ATG14: variants seen among roughly 807,000 people sequenced by gnomAD.
ATG14 encodes autophagy related 14, also known as beclin 1-associated autophagy-related key regulator.
ATG14 carries 35 observed loss-of-function variants against 60.4 expected under a neutral mutation model. The observed-to-expected ratio is 0.58, with a 90% CI of 0.44 to 0.77. The LOEUF (loss-of-function observed/expected upper bound fraction) is 0.77. ATG14 is among the 30% of genes least tolerant of loss of function. ATG14 has a pLI of 0.00. For missense variants in ATG14, 647 were observed against 626.3 expected (o/e 1.03, Z -0.35); for synonymous variants, 234 against 228.8 (o/e 1.02, Z -0.21).
intron 2 of ATG14, among the ~76,000 whole-genome samples, chr14:55,397,012 T>G (rs963871880): frequency 6.6e-6 from 1 of 152,194 alleles, no homozygotes; most frequent in South Asian, 2.1e-4. Flanking sequence ...AATACTGATA[T>G]GGACAAAAGA....
chr14:55,405,949 G>A (rs1294277666), intron 1 of ATG14, among the ~76,000 whole-genome samples: 1 of 152,100 alleles, frequency 6.6e-6, no homozygotes, highest in Non-Finnish European at 1.5e-5. Context: ...TTCAGGACTG[G>A]GGGCAAGGTG....
At chr14:55,406,391 A>C (rs73280331) in intron 1 of ATG14, among the ~76,000 whole-genome samples, 4 of 152,348 alleles carry the variant, frequency 2.6e-5, no homozygotes, top group African/African-American at 9.6e-5. Flanking sequence ...GTGGTTTTCT[A>C]CAGTTAGTGA....
intron 2 of ATG14, 99 bp downstream of exon 2, chr14:55,397,273 T>G (rs938620599): frequency 3.1e-5 from 32 of 1,030,588 alleles, no homozygotes; most frequent in Non-Finnish European, 4.7e-5. Context: ...CTAAATTCAG[T>G]AAGTTAGCAA....
intron 9 of ATG14, among the ~76,000 whole-genome samples, chr14:55,373,717 C>A (rs1166126177): frequency 1.3e-5 from 2 of 152,044 alleles, no homozygotes; most frequent in Non-Finnish European, 2.9e-5. Flanking sequence ...CCTCAGCCTC[C>A]CAAAGTGCTG....
At chr14:55,385,481 C>T (rs1388918004) in intron 5 of ATG14, among the ~76,000 whole-genome samples, 1 of 152,188 alleles carries the variant, frequency 6.6e-6, no homozygotes, top group Non-Finnish European at 1.5e-5. Flanking sequence ...TTAGTAGAGA[C>T]AGGGTTTTGC....
In ATG14 at chr14:55,369,455, G is replaced by T; in HGVS notation, c.*164C>A. 2 of 635,250 alleles carry T rather than the reference G, an allele frequency of 3.1e-6. No homozygotes were observed. Among genetic ancestry groups the T allele is most frequent in the Non-Finnish European group, 2.4e-6 (1 of 410,916 alleles). The allele number at this position is 635,250 out of a possible 1,614,324, so 39.4% of individuals were successfully genotyped here. ...TGTTGGTCACCATCACAGGCCACTT[G>T]GCAAATAGAAATGTTTGTCTCCCTG... On this transcript the variant is annotated 3_prime_UTR_variant, in exon 10 of 10. Coordinates refer to ENST00000247178, the MANE Select transcript of ATG14 (RefSeq NM_014924.5).
intron 9 of ATG14, among the ~76,000 whole-genome samples, chr14:55,376,780 T>C (rs1884926082): frequency 6.6e-6 from 1 of 152,086 alleles, no homozygotes; most frequent in South Asian, 2.1e-4. Context: ...TATATAACCA[T>C]ATCACATCTC....
intron 3 of ATG14, among the ~76,000 whole-genome samples, chr14:55,392,147 C>A (rs1343864467): frequency 6.6e-6 from 1 of 152,138 alleles, no homozygotes; most frequent in Non-Finnish European, 1.5e-5. Flanking sequence ...CTAGATCCCT[C>A]GCATGTGCAG....
chr14:55,378,616 T>C (rs1262048801), intron 7 of ATG14, among the ~76,000 whole-genome samples: 1 of 151,756 alleles, frequency 6.6e-6, no homozygotes, highest in East Asian at 1.9e-4. Context: ...CCTCCCTTCC[T>C]CCCTCCCTCC....
intron 9 of ATG14, among the ~76,000 whole-genome samples, chr14:55,375,740 A>G (rs1040958202): frequency 3.3e-5 from 5 of 152,036 alleles, no homozygotes; most frequent in Admixed American, 2.6e-4. Flanking sequence ...TTTCTTTCCA[A>G]TATAAATACA....
At chr14:55,371,640 T>A (rs924088222) in intron 9 of ATG14, among the ~76,000 whole-genome samples, 2 of 151,952 alleles carry the variant, frequency 1.3e-5, no homozygotes, top group African/African-American at 4.8e-5. Context: ...CTGTCTCTAC[T>A]AAAAATACAA....
intron 9 of ATG14, among the ~76,000 whole-genome samples, chr14:55,373,364 C>T (rs1415259408): frequency 6.6e-6 from 1 of 152,086 alleles, no homozygotes; most frequent in African/African-American, 2.4e-5. Context: ...GGAGTGTGTG[C>T]ATTGATGGAC....
At chr14:55,390,655 G>C (rs1419113029) in intron 4 of ATG14, among the ~76,000 whole-genome samples, 1 of 152,252 alleles carries the variant, frequency 6.6e-6, no homozygotes, top group Admixed American at 6.5e-5. Context: ...ACAGGCGTGA[G>C]CTACCACGCC....
chr14:55,369,930 G>A lies in ATG14; in HGVS notation c.1173-5C>T. The A allele has an allele frequency of 6.3e-7, 1 of 1,589,982 alleles. No homozygotes were observed. Among genetic ancestry groups the A allele is most frequent in the Non-Finnish European group, 8.6e-7 (1 of 1,166,144 alleles). ...CGTACTTCAAAGGGCCCTGACCTGT[G>A]TGCAGACAATGAGGGTCTCTTTAGG... On this transcript the variant is annotated splice_polypyrimidine_tract_variant and splice_region_variant and intron_variant, in intron 9 of 9. Transcript: ENST00000247178.
rs534416307 is a variant in ATG14 at position 55,386,928 on chromosome 14, ATCT to A, written c.410-835_410-833del. 3.5e-4 allele frequency among the ~76,000 whole-genome samples: 54 copies of A among 152,234 alleles called. 1 individual carries two copies. The South Asian group carries it at 0.01, about 29-fold the overall frequency. On this transcript the variant is annotated intron_variant, in intron 4 of 9. Transcript: ENST00000247178. The stretch of plus-strand genomic sequence containing the variant: ...TCAAGTTCATTATTTTTCCAGGAAA[ATCT>A]TCTCCAGTTTCCCTACTTCAAGATT...
In ATG14 at chr14:55,402,962, TATATATAA is replaced by T. The variant is rs1390694425; in HGVS notation, c.222-5536_222-5529del. ...ATATATATATATATATATATATATA[TATATATAA>T]ATAGCTGGGCATAGTGGTGCATGGC... is the stretch of plus-strand genomic sequence containing the variant. On this transcript the variant is annotated intron_variant, in intron 1 of 9. Transcript: ENST00000247178. Among the ~76,000 whole-genome samples, 166 of 59,954 alleles carry T rather than the reference TATATATAA, an allele frequency of 2.8e-3. 4 individuals carry two copies. Among genetic ancestry groups the T allele is most frequent in the Non-Finnish European group, 3.8e-3 (119 of 31,566 alleles). 39.3% of individuals were successfully genotyped at this position (59,954 alleles called of 152,430 possible). A position where few individuals can be genotyped will look rare whatever the true frequency, so the allele number is the denominator to read the frequency against.
intron 1 of ATG14, among the ~76,000 whole-genome samples, chr14:55,402,599 C>G (rs1423560005): frequency 2.0e-5 from 3 of 151,672 alleles, no homozygotes; most frequent in Non-Finnish European, 4.4e-5. Context: ...TATGAGTATG[C>G]TTTTATTCTT....
At chr14:55,370,599 A>G (rs1036230788) in intron 9 of ATG14, among the ~76,000 whole-genome samples, 1 of 151,782 alleles carries the variant, frequency 6.6e-6, no homozygotes, top group African/African-American at 2.4e-5. Context: ...CTGGCACCTC[A>G]GCACAGGGAA....
intron 9 of ATG14, among the ~76,000 whole-genome samples, chr14:55,375,563 T>TG (rs1432263664): frequency 6.6e-6 from 1 of 150,504 alleles, no homozygotes; most frequent in Non-Finnish European, 1.5e-5. Context: ...AGGCTGGTCT[T>TG]GAACTCCTGG....
Sources: gnomAD v4.1 joint callset for allele counts (sites outside exome capture counted in the v4.1 genomes callset) on GRCh38, gnomAD v4.1.1 for gene constraint, MANE v1.5 for transcripts, NCBI Gene and HGNC (gene_info 2026-07-23, HGNC 2026-07-21) for gene names.